HSF5: variants seen among roughly 807,000 people sequenced by gnomAD.
The protein encoded by HSF5 is heat shock factor protein 5.
A neutral mutation model predicts 50.8 loss-of-function variants in HSF5; 5 were observed. The observed-to-expected ratio is 0.10, with a 90% CI of 0.05 to 0.21. HSF5 has a LOEUF of 0.21. HSF5 is among the 10% of genes least tolerant of loss of function. The pLI, the probability that HSF5 is intolerant of heterozygous loss-of-function variation, is 1.00. For synonymous variants in HSF5, 307 were observed against 307.4 expected (o/e 1.00, Z 0.02); for missense variants, 564 against 762.6 (o/e 0.74, Z 3.07).
chr17:58,422,136 T>C lies in HSF5; in HGVS notation c.*224A>G. The C allele has an allele frequency of 2.1e-6, 1 of 473,466 alleles. No individual in the cohort carries two copies. The highest frequency in any genetic ancestry group is 2.9e-5 in the South Asian group (1 of 34,582). The allele number at this position is 473,466 out of a possible 1,614,324, so 29.3% of individuals were successfully genotyped here. The stretch of plus-strand genomic sequence containing the variant: ...AAGGGATCTGGGCAGCCAAAAAACG[T>C]GGCTGCTAGATGTTCAGTAGTTTGT... On this transcript the variant is annotated 3_prime_UTR_variant, in exon 6 of 6. Transcript: ENST00000323777.
In HSF5 at chr17:58,477,426, T is replaced by A. The variant is rs147454143; in HGVS notation, c.925+2467A>T. 8.9e-3 allele frequency among the ~76,000 whole-genome samples: 1,343 copies of A among 150,658 alleles called. 24 individuals are homozygous for A. Among genetic ancestry groups the A allele is most frequent in the African/African-American group, 0.03 (1,231 of 40,892 alleles). ...TGAGCCACCATGCCAGGCCCAGATTTATAATTTTTAAATGGCAACAAATTA... is the reference window on the plus strand; with the variant it reads ...TGAGCCACCATGCCAGGCCCAGATTAATAATTTTTAAATGGCAACAAATTA... On this transcript the variant is annotated intron_variant, in intron 2 of 5. Transcript: ENST00000323777.
intron 2 of HSF5, among the ~76,000 whole-genome samples, chr17:58,471,185 A>C (rs1020234706): frequency 6.6e-6 from 1 of 152,184 alleles, no homozygotes; most frequent in African/African-American, 2.4e-5. Context: ...AGTACCCTGA[A>C]AAATAGTTAA....
rs1975087338 is a variant in HSF5, at chr17:58,480,761, T to TTCTATCTA, written c.551-495_551-494insTAGATAGA. ...AGATAAAAAAAAAAGTAACGCTCTTTGCTATCTATCTATCTATCTATCTAT... is the reference window on the plus strand; with the variant it reads ...AGATAAAAAAAAAAGTAACGCTCTTTTCTATCTAGCTATCTATCTATCTATCTATCTAT... On this transcript the variant is annotated intron_variant, in intron 1 of 5. Coordinates refer to ENST00000323777, the MANE Select transcript of HSF5 (RefSeq NM_001080439.3). 6.7e-5 allele frequency among the ~76,000 whole-genome samples: 5 copies of TTCTATCTA among 75,158 alleles called. No individual in the cohort carries two copies. The East Asian group carries it at 2.7e-3, about 41-fold the overall frequency. 49.3% of individuals were successfully genotyped at this position (75,158 alleles called of 152,430 possible).
At chr17:58,467,446 C>T (rs1321713429) in intron 2 of HSF5, among the ~76,000 whole-genome samples, 1 of 152,124 alleles carries the variant, frequency 6.6e-6, no homozygotes, top group Non-Finnish European at 1.5e-5. Context: ...TAGAAATGTA[C>T]ACAAAAATGT....
At chr17:58,438,730 T>C (rs146122644) in intron 5 of HSF5, among the ~76,000 whole-genome samples, 157 of 152,058 alleles carry the variant, frequency 1.0e-3, no homozygotes, top group Middle Eastern at 0.01. Flanking sequence ...AAGGGAATAT[T>C]TGACTGCCTG....
chr17:58,483,699 C>T (rs1260652406), intron 1 of HSF5, among the ~76,000 whole-genome samples: 3 of 152,228 alleles, frequency 2.0e-5, no homozygotes, highest in South Asian at 2.1e-4. Flanking sequence ...TAACAAATAT[C>T]GTATAAAATA....
rs66502039 is a variant in HSF5 at position 58,425,575 on chromosome 17, C to CAAAAA, written c.1721-3150_1721-3146dup. ...GGGCAACATAGTAAGACCTCTATCT[C>CAAAAA]AAAAAAAAAAAAAAAAAAAAAAAAA... is the stretch of plus-strand genomic sequence containing the variant. On this transcript the variant is annotated intron_variant, in intron 5 of 5. Transcript: ENST00000323777. Among the ~76,000 whole-genome samples, 256 of 32,982 alleles carry CAAAAA rather than the reference C, an allele frequency of 7.8e-3. 22 individuals are homozygous for CAAAAA. The highest frequency in any genetic ancestry group is 0.01 in the Non-Finnish European group (213 of 20,738). The allele number at this position is 32,982 out of a possible 152,430, so 21.6% of individuals were successfully genotyped here.
chr17:58,478,188 C>A (rs1975043865), intron 2 of HSF5, among the ~76,000 whole-genome samples: 1 of 151,688 alleles, frequency 6.6e-6, no homozygotes, highest in African/African-American at 2.4e-5. Flanking sequence ...AATCCCAGCA[C>A]TTTGGGAGGC....
chr17:58,450,338 CAAAAAAAAAAAA>C lies in HSF5; in HGVS notation c.1720+8418_1720+8429del, dbSNP rs758990551. 8.9e-4 allele frequency among the ~76,000 whole-genome samples: 46 copies of C among 51,974 alleles called. No homozygotes were observed. The East Asian group carries it at 0.027, about 30-fold the overall frequency. The allele number at this position is 51,974 out of a possible 152,430, so 34.1% of individuals were successfully genotyped here. The stretch of plus-strand genomic sequence containing the variant: ...TGGGTGAGAGAGTGAGACTTTGTCT[CAAAAAAAAAAAA>C]AAAAAAAAAAAAAGATATGCATAGA... On this transcript the variant is annotated intron_variant, in intron 5 of 5. Coordinates refer to ENST00000323777, the MANE Select transcript of HSF5 (RefSeq NM_001080439.3).
At chr17:58,462,403 T>C (rs1400976242) in intron 4 of HSF5, among the ~76,000 whole-genome samples, 1 of 152,206 alleles carries the variant, frequency 6.6e-6, no homozygotes, top group Non-Finnish European at 1.5e-5. Context: ...TCATAATATC[T>C]GTCAAATAAA....
intron 5 of HSF5, among the ~76,000 whole-genome samples, chr17:58,446,585 G>T (rs1019750103): frequency 3.9e-5 from 6 of 152,174 alleles, no homozygotes; most frequent in African/African-American, 7.2e-5. Context: ...TGCCACAGTG[G>T]GAAGAAACTG....
At position 58,422,406 on chromosome 17, in the gene HSF5, G is replaced by T. The variant is rs1490605007; in HGVS notation, c.1745C>A (p.Ala582Asp). The part of the protein sequence containing the change: ...SPDLHLLVDV[A>D]CKQERFPKEE... The stretch of plus-strand genomic sequence containing the variant: ...CTTTGGAAAGCGCTCCTGCTTGCAG[G>T]CCACGTCCACCAGCAGATGAAGATC... The change falls in exon 6 of 6, where the codon GCC becomes GAC. Residue 582 changes from alanine (A) to aspartate (D), a missense_variant. Coordinates refer to ENST00000323777, the MANE Select transcript of HSF5 (RefSeq NM_001080439.3). 1 of 1,613,758 alleles carries T rather than the reference G, an allele frequency of 6.2e-7. No individual in the cohort carries two copies. Among genetic ancestry groups the T allele is most frequent in the African/African-American group, 1.3e-5 (1 of 74,896 alleles).
chr17:58,452,044 A>T (rs747040049), intron 5 of HSF5, among the ~76,000 whole-genome samples: 10 of 151,408 alleles, frequency 6.6e-5, no homozygotes, highest in Non-Finnish European at 1.5e-4. Context: ...ACAGGAGTTC[A>T]AGACTAGCCT....
chr17:58,425,575 C>CAATAAAAAAAAA (rs1974285121), intron 5 of HSF5, among the ~76,000 whole-genome samples: 1 of 32,984 alleles, frequency 3.0e-5, no homozygotes, highest in African/African-American at 1.5e-4. Context: ...ACCTCTATCT[C>CAATAAAAAAAAA]AAAAAAAAAA....
intron 5 of HSF5, among the ~76,000 whole-genome samples, chr17:58,448,182 A>T (rs1487139235): frequency 1.3e-5 from 2 of 151,578 alleles, no homozygotes; most frequent in African/African-American, 4.8e-5. Context: ...AGAAAAAAGG[A>T]AATAGTCAGA....
At chr17:58,437,547 C>T (rs887121192) in intron 5 of HSF5, among the ~76,000 whole-genome samples, 1 of 152,156 alleles carries the variant, frequency 6.6e-6, no homozygotes, top group Admixed American at 6.5e-5. Context: ...CCCATACATT[C>T]TATCTTCTGA....
At chr17:58,434,685 C>A (rs1351080599) in intron 5 of HSF5, among the ~76,000 whole-genome samples, 2 of 152,032 alleles carry the variant, frequency 1.3e-5, no homozygotes, top group African/African-American at 4.8e-5. Flanking sequence ...AAGACCCTGT[C>A]TCTATAAAAA....
At chr17:58,431,881 G>A (rs1238774073) in intron 5 of HSF5, among the ~76,000 whole-genome samples, 3 of 152,116 alleles carry the variant, frequency 2.0e-5, no homozygotes, top group Non-Finnish European at 4.4e-5. Flanking sequence ...ACAAAATGTA[G>A]ACATAGACAC....
chr17:58,476,177 T>A, intron 2 of HSF5: 1 of 938,926 alleles, frequency 1.1e-6, no homozygotes, highest in South Asian at 1.5e-5. Context: ...TTCATCATCA[T>A]CTTCATCTTC....
Sources: gnomAD v4.1 joint callset for allele counts (sites outside exome capture counted in the v4.1 genomes callset) on GRCh38, gnomAD v4.1.1 for gene constraint, MANE v1.5 for transcripts, NCBI Gene and HGNC (gene_info 2026-07-23, HGNC 2026-07-21) for gene names.